The following BCKDHB variants were observed in gnomAD, a reference collection of about 807,000 sequenced individuals.
BCKDHB encodes the protein 2-oxoisovalerate dehydrogenase subunit beta, mitochondrial.
In BCKDHB, 41 loss-of-function variants were observed where a neutral mutation model predicts 48.5. The observed-to-expected ratio is 0.85, with a 90% CI of 0.66 to 1.10. The LOEUF (loss-of-function observed/expected upper bound fraction) is 1.10. Among genes scored for constraint, BCKDHB ranks in the 50% least tolerant of loss-of-function variants. BCKDHB has a pLI of 0.00. For missense variants in BCKDHB, 496 were observed against 494.2 expected, an observed-to-expected ratio of 1.00 and a Z score of -0.03; for synonymous variants, 201 against 174.8, an observed-to-expected ratio of 1.15 and a Z score of -1.18.
intron 8 of BCKDHB, among the ~76,000 whole-genome samples, chr6:80,227,198 C>T (rs1345520543): frequency 2.0e-5 from 3 of 152,100 alleles, no homozygotes; most frequent in Non-Finnish European, 2.9e-5. Context: ...AGATGTAAGT[C>T]GTGTCTAATT....
chr6:80,362,530 T>C, the BCKDHB span, among the ~76,000 whole-genome samples: 5 of 152,084 alleles, frequency 3.3e-5, no homozygotes, highest in African/African-American at 1.2e-4. Context: ...CTCTTGTGGC[T>C]TCTCTGGGGG....
chr6:80,309,038 C>A (rs1474615752), intron 9 of BCKDHB, among the ~76,000 whole-genome samples: 1 of 151,306 alleles, frequency 6.6e-6, no homozygotes, highest in Non-Finnish European at 1.5e-5. Flanking sequence ...TTGGGGTGGT[C>A]TACTATTAAA....
chr6:80,200,823 G>A, intron 6 of BCKDHB, 111 bp from the exon 7 acceptor site: 1 of 878,844 alleles, frequency 1.1e-6, no homozygotes, highest in South Asian at 1.5e-5. Context: ...AGAATTTAGA[G>A]AAACAAAAAA....
the BCKDHB span, among the ~76,000 whole-genome samples, chr6:80,453,900 G>A: frequency 6.6e-6 from 1 of 151,868 alleles, no homozygotes; most frequent in African/African-American, 2.4e-5. Context: ...TTCTAATACT[G>A]CCTAGAATAA....
chr6:80,269,341 G>A (rs900387853), intron 8 of BCKDHB, among the ~76,000 whole-genome samples: 2 of 152,214 alleles, frequency 1.3e-5, no homozygotes, highest in South Asian at 2.1e-4. Flanking sequence ...TCTGTTGGAC[G>A]GAATGACTAA....
At chr6:80,152,854 A>G (rs548657329) in intron 3 of BCKDHB, among the ~76,000 whole-genome samples, 2 of 152,146 alleles carry the variant, frequency 1.3e-5, no homozygotes, top group Non-Finnish European at 2.9e-5. Flanking sequence ...GTCAAATGTT[A>G]TGGCAAACAG....
the BCKDHB span, among the ~76,000 whole-genome samples, chr6:80,408,372 A>G: frequency 6.6e-6 from 1 of 152,308 alleles, no homozygotes; most frequent in East Asian, 1.9e-4. Flanking sequence ...GCCTCATAAA[A>G]TGAGTAAGGG....
chr6:80,210,133 T>G (rs555166780), intron 8 of BCKDHB, among the ~76,000 whole-genome samples: 953 of 22,830 alleles, frequency 0.042, 7 homozygotes, highest in African/African-American at 0.12. Flanking sequence ...TGAAGAAATA[T>G]ACAAAAAAAA....
chr6:80,410,179 A>G, the BCKDHB span, among the ~76,000 whole-genome samples: 6 of 152,244 alleles, frequency 3.9e-5, no homozygotes, highest in Non-Finnish European at 5.9e-5. Context: ...GTGTCTCTAA[A>G]GGATTTTATT....
chr6:80,204,769 A>C (rs117553175), intron 8 of BCKDHB, among the ~76,000 whole-genome samples: 2,999 of 152,236 alleles, frequency 0.02, 40 homozygotes, highest in Non-Finnish European at 0.029. Flanking sequence ...CCGTGGAAGC[A>C]AAGAGAGTAG....
the BCKDHB span, among the ~76,000 whole-genome samples, chr6:80,369,272 G>C: frequency 6.6e-6 from 1 of 152,032 alleles, no homozygotes; most frequent in African/African-American, 2.4e-5. Flanking sequence ...ATTGTAATTT[G>C]ATGAACTTTA....
intron 1 of BCKDHB, among the ~76,000 whole-genome samples, chr6:80,122,974 C>G (rs892855117): frequency 9.4e-5 from 14 of 148,412 alleles, no homozygotes; most frequent in Middle Eastern, 3.4e-3. Context: ...CCCCCTCCCC[C>G]CCGGCCCCCC....
At chr6:80,419,046 G>C in the BCKDHB span, among the ~76,000 whole-genome samples, 1 of 152,186 alleles carries the variant, frequency 6.6e-6, no homozygotes, top group Admixed American at 6.5e-5. Flanking sequence ...TAGCATCAGA[G>C]CACAGTGCTC....
intron 6 of BCKDHB, among the ~76,000 whole-genome samples, chr6:80,198,578 C>T (rs1774239815): frequency 2.0e-5 from 3 of 152,078 alleles, no homozygotes; most frequent in South Asian, 2.1e-4. Context: ...CCATAAAGCA[C>T]CCATTACATT....
intron 8 of BCKDHB, among the ~76,000 whole-genome samples, chr6:80,213,547 G>T (rs1392009215): frequency 6.6e-6 from 1 of 152,036 alleles, no homozygotes; most frequent in East Asian, 1.9e-4. Flanking sequence ...TTTAGATGAG[G>T]GTTCTTCTCT....
chr6:80,140,533 A>G (rs1771145761), intron 3 of BCKDHB, among the ~76,000 whole-genome samples: 1 of 152,110 alleles, frequency 6.6e-6, no homozygotes, highest in Non-Finnish European at 1.5e-5. Flanking sequence ...AATTTTGTCA[A>G]AGGCCTTTTC....
intron 1 of BCKDHB, among the ~76,000 whole-genome samples, chr6:80,107,209 T>A (rs956760089): frequency 2.1e-4 from 32 of 151,456 alleles, no homozygotes; most frequent in African/African-American, 7.5e-4. Flanking sequence ...TCCTCCGTCC[T>A]TGCTTTCTCA....
intron 6 of BCKDHB, among the ~76,000 whole-genome samples, chr6:80,200,172 T>C (rs1321290102): frequency 6.6e-6 from 1 of 152,122 alleles, no homozygotes. Flanking sequence ...GTTTATAATT[T>C]TCTCCCAGAT....
At chr6:80,155,173 G>T (rs935557183) in intron 3 of BCKDHB, among the ~76,000 whole-genome samples, 9 of 151,694 alleles carry the variant, frequency 5.9e-5, no homozygotes, top group African/African-American at 2.4e-5. Flanking sequence ...TTCATTGTTG[G>T]TAGCTAGGTC....
Sources: allele counts gnomAD v4.1 joint callset (sites outside exome capture counted in the v4.1 genomes callset), GRCh38; gene constraint gnomAD v4.1.1; transcripts MANE v1.5; gene names NCBI Gene and HGNC (gene_info 2026-07-23, HGNC 2026-07-21).